Variants in CEP104 observed in about 807,000 individuals in gnomAD.
The protein encoded by CEP104 is centrosomal protein of 104 kDa.
In CEP104, 84 loss-of-function variants were observed where a neutral mutation model predicts 113.3. That is an observed-to-expected ratio of 0.74 (90% CI 0.62 to 0.89). CEP104 has a LOEUF of 0.89. Ranked by LOEUF, CEP104 falls within the 40% of genes least tolerant of loss-of-function variation. The probability of loss-of-function intolerance (pLI) is 0.00; values close to 1 mark genes in which losing one functional copy is unlikely to be tolerated. For synonymous variants in CEP104, 378 were observed against 421.7 expected, an observed-to-expected ratio of 0.90 and a Z score of 1.27; for missense variants, 1,053 against 1,156.6, an observed-to-expected ratio of 0.91 and a Z score of 1.30.
chr1:3,843,395 G>A, intron 6 of CEP104: 1 of 321,096 alleles, frequency 3.1e-6, no homozygotes, highest in Admixed American at 6.4e-5. Context: ...TTTTTTTTTT[G>A]AGACAGGGTC....
rs546116353 is a variant in CEP104, at chr1:3,855,911, C to T, written c.-15+978G>A. ...GGATCCCTGTTGTCCCAGGGGCAGC[C>T]ATCGACATCCCGACAAATGCCAGAG... On this transcript the variant is annotated intron_variant, in intron 1 of 21. Coordinates refer to ENST00000378230, the MANE Select transcript of CEP104 (RefSeq NM_014704.4). 39 of 985,426 alleles carry T rather than the reference C, an allele frequency of 4.0e-5. No homozygotes were observed. In the African/African-American group the frequency reaches 6.4e-4, roughly 16 times the overall value. 61.0% of individuals were successfully genotyped at this position (985,426 alleles called of 1,614,324 possible).
chr1:3,851,771 T>A (rs1187153884), intron 2 of CEP104, among the ~76,000 whole-genome samples: 1 of 152,228 alleles, frequency 6.6e-6, no homozygotes, highest in African/African-American at 2.4e-5. Context: ...TGTCTCAGCA[T>A]CCTGAGTAGC....
chr1:3,816,238 G>T, intron 21 of CEP104, 42 bp downstream of exon 21: 1 of 1,494,290 alleles, frequency 6.7e-7, no homozygotes, highest in Non-Finnish European at 9.0e-7. Context: ...AGTCAAAATG[G>T]AGGGATGCAG....
intron 12 of CEP104, among the ~76,000 whole-genome samples, chr1:3,831,526 C>G (rs1412453208): frequency 6.6e-6 from 1 of 152,192 alleles, no homozygotes; most frequent in African/African-American, 2.4e-5. Context: ...TCAGTATTCT[C>G]AGCTTCAAGG....
At chr1:3,834,690 G>A (rs1318581265) in intron 11 of CEP104, among the ~76,000 whole-genome samples, 1 of 152,228 alleles carries the variant, frequency 6.6e-6, no homozygotes, top group African/African-American at 2.4e-5. Context: ...TAACACTGCT[G>A]GAGACCAGAG....
rs1326209367 is a variant in CEP104 at position 3,839,669 on chromosome 1, A to G, written c.674T>C (p.Val225Ala). The change falls in exon 7 of 22, where the codon GTC (valine) becomes GCC (alanine). Residue 225 changes from valine (V) to alanine (A), a missense_variant. Coordinates refer to ENST00000378230, the MANE Select transcript of CEP104 (RefSeq NM_014704.4). Reference sequence around the variant, plus strand: ...GGCATAATCATAGCGTTCCTTTTGGACAGCTTCCCGTTTTCTTTCATCTAA... The same window carrying G: ...GGCATAATCATAGCGTTCCTTTTGGGCAGCTTCCCGTTTTCTTTCATCTAA... The part of the protein sequence containing the change: ...RKLDERKREA[V>A]QKERYDYAKK... 1.1e-5 allele frequency: 17 copies of G among 1,613,988 alleles called. No individual in the cohort carries two copies. The highest frequency in any genetic ancestry group is 1.4e-5 in the Non-Finnish European group (16 of 1,180,020).
chr1:3,824,490 G>C (rs1303319725), intron 18 of CEP104, among the ~76,000 whole-genome samples: 2 of 152,198 alleles, frequency 1.3e-5, no homozygotes, highest in Non-Finnish European at 2.9e-5. Flanking sequence ...TGGCAAGGTG[G>C]GCAATGCTAA....
intron 6 of CEP104, among the ~76,000 whole-genome samples, chr1:3,841,288 C>T (rs948709480): frequency 8.5e-5 from 13 of 152,124 alleles, no homozygotes; most frequent in African/African-American, 3.1e-4. Context: ...CTCACAGCCC[C>T]CCTCTGGCAT....
At chr1:3,842,516 C>T (rs769968878) in intron 6 of CEP104, among the ~76,000 whole-genome samples, 3 of 152,222 alleles carry the variant, frequency 2.0e-5, no homozygotes, top group African/African-American at 4.8e-5. Context: ...AGGGAAGGCT[C>T]GCTGTCCACC....
rs1318364974 is a variant in CEP104, at chr1:3,824,852, GGAGGCA to G, written c.2364+900_2364+905del. 3.4e-3 allele frequency among the ~76,000 whole-genome samples: 501 copies of G among 149,210 alleles called. 3 individuals carry two copies. The highest frequency in any genetic ancestry group is 0.012 in the African/African-American group (480 of 40,292). ...AAGGGGGCAGTGGCACCGTGGGAAG[GGAGGCA>G]GTGGCACCGTGGGAAGGGCGGCAGT... On this transcript the variant is annotated intron_variant, in intron 18 of 21. Coordinates refer to ENST00000378230, the MANE Select transcript of CEP104 (RefSeq NM_014704.4).
chr1:3,846,053 T>C (rs1476291049), intron 4 of CEP104, among the ~76,000 whole-genome samples: 1 of 125,346 alleles, frequency 8.0e-6, no homozygotes, highest in Non-Finnish European at 1.6e-5. Context: ...CACTCCAGCC[T>C]AGGCAACAAG....
At chr1:3,842,134 C>T (rs1557684306) in intron 6 of CEP104, among the ~76,000 whole-genome samples, 1 of 152,242 alleles carries the variant, frequency 6.6e-6, no homozygotes, top group Non-Finnish European at 1.5e-5. Context: ...GTCGCCCAGG[C>T]TGGAGTGCAG....
chr1:3,825,694 G>C (rs918280418), intron 18 of CEP104, 64 bp downstream of exon 18: 8 of 1,055,982 alleles, frequency 7.6e-6, no homozygotes, highest in Middle Eastern at 4.7e-4. Flanking sequence ...TTTTTGACTC[G>C]GCCTTTCAAC....
intron 9 of CEP104, 181 bp downstream of exon 9, chr1:3,837,111 T>C: frequency 1.7e-6 from 1 of 589,248 alleles, no homozygotes; most frequent in Non-Finnish European, 3.0e-6. Flanking sequence ...AAGGTGTCAT[T>C]AGGCCTATTC....
Position 3,826,418 on chromosome 1 carries a change from G to A in CEP104, c.2207C>T (p.Ala736Val), listed in dbSNP as rs933549739. 4.3e-6 allele frequency: 7 copies of A among 1,613,572 alleles called. No individual in the cohort carries two copies. The Admixed American group carries it at 1.0e-4, about 23-fold the overall frequency. The change falls in exon 17 of 22, where the codon GCA becomes GTA. Residue 736 changes from alanine to valine, a missense_variant. Coordinates refer to ENST00000378230, the MANE Select transcript of CEP104 (RefSeq NM_014704.4). ...PKNQDIQGGKAAPAEALGIPD... is the reference protein window; with the variant it reads ...PKNQDIQGGKVAPAEALGIPD... ...GATTCCCAGAGCTTCAGCAGGGGCTGCTTTCCCTCCTTGAATGTCTGAAGA... is the reference window on the plus strand; with the variant it reads ...GATTCCCAGAGCTTCAGCAGGGGCTACTTTCCCTCCTTGAATGTCTGAAGA...
intron 20 of CEP104, among the ~76,000 whole-genome samples, chr1:3,820,251 G>A (rs551117381): frequency 6.6e-6 from 1 of 152,324 alleles, no homozygotes; most frequent in African/African-American, 2.4e-5. Flanking sequence ...GAGAATGTGA[G>A]TACTGCTCCT....
At chr1:3,828,541 G>C (rs146641472) in intron 15 of CEP104, among the ~76,000 whole-genome samples, 1,590 of 152,278 alleles carry the variant, frequency 0.01, 19 homozygotes, top group Non-Finnish European at 0.015. Flanking sequence ...CTTGACATGA[G>C]CTCTGCCCTC....
rs763765041 is a variant in CEP104 at position 3,829,377 on chromosome 1, G to T, written c.2044-4C>A. The T allele has an allele frequency of 3.7e-6, 6 of 1,605,042 alleles. No individual in the cohort carries two copies. The highest frequency in any genetic ancestry group is 5.1e-6 in the Non-Finnish European group (6 of 1,177,030). ...CTGTAGCCGCTTTTCTCCGTGCCTG[G>T]TAAGAAAATTATTTTTCCATTAGAA... On this transcript the variant is annotated splice_region_variant and splice_polypyrimidine_tract_variant and intron_variant, in intron 14 of 21. Transcript: ENST00000378230.
intron 6 of CEP104, 78 bp from the exon 7 acceptor site, chr1:3,839,854 A>C: frequency 8.5e-7 from 1 of 1,175,634 alleles, no homozygotes; most frequent in South Asian, 1.4e-5. Flanking sequence ...GGTTGAGAAG[A>C]TGCCCCTCCC....
Sources: allele counts gnomAD v4.1 joint callset (sites outside exome capture counted in the v4.1 genomes callset), GRCh38; gene constraint gnomAD v4.1.1; transcripts MANE v1.5; gene names NCBI Gene and HGNC (gene_info 2026-07-23, HGNC 2026-07-21).